Variants in CTNND2 observed in about 807,000 individuals in gnomAD.
CTNND2 encodes catenin delta-2.
A neutral mutation model predicts 144.4 loss-of-function variants in CTNND2; 22 were observed. The observed-to-expected ratio is 0.15, with a 90% CI of 0.11 to 0.22. The LOEUF (loss-of-function observed/expected upper bound fraction) is 0.22, where lower values mean the gene tolerates loss of function less well. Ranked by LOEUF, CTNND2 falls within the 10% of genes least tolerant of loss-of-function variation. CTNND2 has a pLI of 1.00. For missense variants in CTNND2, 1,353 were observed against 1,618.8 expected (o/e 0.84, Z 2.82); for synonymous variants, 751 against 695.6 (o/e 1.08, Z -1.25).
intron 11 of CTNND2, among the ~76,000 whole-genome samples, chr5:11,193,108 C>T (rs532744389): frequency 1.3e-4 from 20 of 152,274 alleles, no homozygotes; most frequent in East Asian, 1.9e-4. Context: ...CGAATTCAGG[C>T]TGCTAAAGGA....
intron 11 of CTNND2, among the ~76,000 whole-genome samples, chr5:11,183,847 C>A (rs1735356756): frequency 6.6e-6 from 1 of 152,184 alleles, no homozygotes; most frequent in Non-Finnish European, 1.5e-5. Flanking sequence ...GCTTGAGCCA[C>A]CGCGCCTGGC....
At chr5:11,505,546 T>G (rs1161610179) in intron 3 of CTNND2, among the ~76,000 whole-genome samples, 3 of 152,178 alleles carry the variant, frequency 2.0e-5, no homozygotes, top group Middle Eastern at 6.3e-3. Context: ...CAAGCGCTTC[T>G]GTTTTGTCAT....
intron 2 of CTNND2, among the ~76,000 whole-genome samples, chr5:11,652,013 G>T (rs149155836): frequency 2.3e-4 from 35 of 152,262 alleles, no homozygotes; most frequent in Admixed American, 1.3e-4. Flanking sequence ...AGGGATGATT[G>T]TATTTTGCAA....
chr5:11,078,502 G>A (rs1382138227), intron 16 of CTNND2, among the ~76,000 whole-genome samples: 1 of 152,122 alleles, frequency 6.6e-6, no homozygotes, highest in African/African-American at 2.4e-5. Context: ...CAGTATAGTG[G>A]TCTAAATATT....
intron 9 of CTNND2, among the ~76,000 whole-genome samples, chr5:11,244,037 T>C (rs1027784682): frequency 1.3e-4 from 20 of 152,186 alleles, no homozygotes; most frequent in African/African-American, 4.8e-4. Context: ...ATTTTGACTT[T>C]CATATTTAGA....
intron 3 of CTNND2, among the ~76,000 whole-genome samples, chr5:11,547,532 A>G (rs116076082): frequency 0.011 from 1,733 of 152,292 alleles, 13 homozygotes; most frequent in Non-Finnish European, 0.017. Flanking sequence ...CTAACAGATT[A>G]GTATTCAAAT....
intron 16 of CTNND2, among the ~76,000 whole-genome samples, chr5:11,042,039 G>C (rs73741512): frequency 2.0e-5 from 3 of 149,546 alleles, no homozygotes; most frequent in Non-Finnish European, 2.9e-5. Flanking sequence ...AGAAACTTAT[G>C]AGAATAGAGA....
intron 8 of CTNND2, among the ~76,000 whole-genome samples, chr5:11,349,547 T>C (rs1378142726): frequency 6.6e-6 from 1 of 152,182 alleles, no homozygotes; most frequent in Non-Finnish European, 1.5e-5. Flanking sequence ...AGGGCAGGTT[T>C]AAAACCTCAA....
chr5:11,830,421 C>T (rs1401572352), intron 1 of CTNND2, among the ~76,000 whole-genome samples: 1 of 152,136 alleles, frequency 6.6e-6, no homozygotes, highest in African/African-American at 2.4e-5. Flanking sequence ...CTTTCCCGTG[C>T]TGTTTTCAGG....
chr5:11,018,359 A>G (rs1357340657), intron 17 of CTNND2, among the ~76,000 whole-genome samples: 1 of 152,122 alleles, frequency 6.6e-6, no homozygotes, highest in Non-Finnish European at 1.5e-5. Context: ...AATTAGGCCA[A>G]TTAATAACCC....
chr5:11,212,443 G>A (rs1315991803), intron 10 of CTNND2, among the ~76,000 whole-genome samples: 1 of 152,196 alleles, frequency 6.6e-6, no homozygotes, highest in East Asian at 1.9e-4. Context: ...AGTGCAGTAG[G>A]TCCACGCTTT....
chr5:11,110,229 C>G (rs1327130966), intron 14 of CTNND2, among the ~76,000 whole-genome samples: 3 of 152,108 alleles, frequency 2.0e-5, no homozygotes, highest in African/African-American at 7.2e-5. Context: ...TGCAGGGGAA[C>G]CTACTTCCCG....
chr5:11,297,357 C>G (rs1398102843), intron 9 of CTNND2, among the ~76,000 whole-genome samples: 1 of 152,124 alleles, frequency 6.6e-6, no homozygotes, highest in Non-Finnish European at 1.5e-5. Flanking sequence ...CTGTGTGTAG[C>G]CAGATCTTCT....
chr5:11,053,313 T>C (rs1363634672), intron 16 of CTNND2, among the ~76,000 whole-genome samples: 1 of 152,224 alleles, frequency 6.6e-6, no homozygotes, highest in Non-Finnish European at 1.5e-5. Flanking sequence ...AACAGATGAA[T>C]TTCAATGTCT....
At chr5:11,856,157 G>C (rs926339997) in intron 1 of CTNND2, among the ~76,000 whole-genome samples, 14 of 152,160 alleles carry the variant, frequency 9.2e-5, no homozygotes, top group African/African-American at 3.4e-4. Flanking sequence ...CCCCCTGGGA[G>C]TTTATAATAT....
chr5:11,588,011 A>C lies in CTNND2; in HGVS notation c.175-22955T>G, dbSNP rs1778986108. On this transcript the variant is annotated intron_variant, in intron 2 of 21. Coordinates refer to ENST00000304623, the MANE Select transcript of CTNND2 (RefSeq NM_001332.4). ...ATTTTCTCAATGAGTTATTTGAATA[A>C]AAGCAATCTTGAAACACTTGGTAAA... Among the ~76,000 whole-genome samples the C allele has an allele frequency of 4.6e-5, 7 of 152,248 alleles. No homozygotes were observed. In the South Asian group the frequency reaches 1.2e-3, roughly 27 times the overall value.
intron 3 of CTNND2, among the ~76,000 whole-genome samples, chr5:11,517,807 A>G (rs1017598850): frequency 6.6e-6 from 1 of 151,974 alleles, no homozygotes; most frequent in African/African-American, 2.4e-5. Context: ...AAATAATAAT[A>G]AAATAAATAA....
intron 16 of CTNND2, among the ~76,000 whole-genome samples, chr5:11,059,231 T>C (rs1331175344): frequency 1.3e-5 from 2 of 152,222 alleles, no homozygotes; most frequent in African/African-American, 4.8e-5. Flanking sequence ...AAATCTCATC[T>C]AGAATTGTAA....
At chr5:11,463,375 C>A (rs31944) in intron 3 of CTNND2, among the ~76,000 whole-genome samples, 17,057 of 152,194 alleles carry the variant, frequency 0.11, 1,245 homozygotes, top group African/African-American at 0.2. Context: ...TGTACAATAA[C>A]TTCCTTATTT....
Sources: allele counts gnomAD v4.1 joint callset (sites outside exome capture counted in the v4.1 genomes callset), GRCh38; gene constraint gnomAD v4.1.1; transcripts MANE v1.5; gene names NCBI Gene and HGNC (gene_info 2026-07-23, HGNC 2026-07-21).